The following AAGAB variants were observed in gnomAD, a reference collection of about 807,000 sequenced individuals.
AAGAB encodes the protein alpha- and gamma-adaptin-binding protein p34.
A neutral mutation model predicts 44.1 loss-of-function variants in AAGAB; 38 were observed. The observed-to-expected ratio is 0.86, with a 90% CI of 0.67 to 1.13. The LOEUF (loss-of-function observed/expected upper bound fraction) is 1.13, where lower values mean the gene tolerates loss of function less well. Among genes scored for constraint, AAGAB ranks in the 50% most tolerant of loss-of-function variants. The pLI, the probability that AAGAB is intolerant of heterozygous loss-of-function variation, is 0.00. For synonymous variants in AAGAB, 131 were observed against 131.8 expected, an observed-to-expected ratio of 0.99 and a Z score of 0.04; for missense variants, 450 against 373.8, an observed-to-expected ratio of 1.20 and a Z score of -1.68.
At chr15:67,203,244 T>C (rs1963608599) in intron 9 of AAGAB, among the ~76,000 whole-genome samples, 1 of 152,158 alleles carries the variant, frequency 6.6e-6, no homozygotes, top group South Asian at 2.1e-4. Flanking sequence ...TTCCTGCCAA[T>C]AGCATGTGTT....
intron 5 of AAGAB, among the ~76,000 whole-genome samples, chr15:67,229,357 C>T (rs886163146): frequency 7.3e-5 from 11 of 150,806 alleles, no homozygotes; most frequent in African/African-American, 2.2e-4. Context: ...TGCTTGAACC[C>T]GGGAGGCAGA....
chr15:67,222,282 A>ACACACACACAC (rs796412643), intron 5 of AAGAB, among the ~76,000 whole-genome samples: 2 of 139,850 alleles, frequency 1.4e-5, no homozygotes, highest in Non-Finnish European at 3.1e-5. Context: ...ACACACACAC[A>ACACACACACAC]CCCTCCACCC....
intron 5 of AAGAB, among the ~76,000 whole-genome samples, chr15:67,212,887 G>A (rs191395005): frequency 1.2e-4 from 18 of 152,186 alleles, no homozygotes; most frequent in Admixed American, 3.9e-4. Flanking sequence ...AAATCTTTTC[G>A]TGCTTGCTAG....
At chr15:67,247,819 T>A (rs1964764821) in intron 1 of AAGAB, among the ~76,000 whole-genome samples, 2 of 152,210 alleles carry the variant, frequency 1.3e-5, no homozygotes, top group African/African-American at 4.8e-5. Flanking sequence ...TCAACTACCA[T>A]CAAAAAATAA....
intron 5 of AAGAB, among the ~76,000 whole-genome samples, chr15:67,231,103 G>A (rs1296210307): frequency 2.0e-5 from 3 of 152,092 alleles, no homozygotes; most frequent in South Asian, 2.1e-4. Context: ...GCAGTGGCAT[G>A]ACCACAGCTC....
chr15:67,252,713 C>A (rs1964897877), intron 1 of AAGAB, among the ~76,000 whole-genome samples: 2 of 152,068 alleles, frequency 1.3e-5, no homozygotes, highest in African/African-American at 4.8e-5. Flanking sequence ...AGGAGCACTG[C>A]TTAAAGGTAA....
intron 5 of AAGAB, among the ~76,000 whole-genome samples, chr15:67,214,693 T>A (rs1338582596): frequency 6.6e-6 from 1 of 151,780 alleles, no homozygotes; most frequent in East Asian, 1.9e-4. Context: ...CAGGCTGGAG[T>A]GCAGTGGCGC....
chr15:67,220,849 T>C (rs1964050170), intron 5 of AAGAB, among the ~76,000 whole-genome samples: 1 of 152,230 alleles, frequency 6.6e-6, no homozygotes, highest in Non-Finnish European at 1.5e-5. Context: ...TGTAGGCTTT[T>C]TGAATCATAT....
intron 5 of AAGAB, among the ~76,000 whole-genome samples, chr15:67,222,654 A>G (rs1964110900): frequency 6.6e-6 from 1 of 152,012 alleles, no homozygotes; most frequent in Non-Finnish European, 1.5e-5. Context: ...TGTACACTGG[A>G]GCCCATCCCT....
chr15:67,232,191 T>A (rs1171063895), intron 4 of AAGAB, among the ~76,000 whole-genome samples: 3 of 150,512 alleles, frequency 2.0e-5, no homozygotes, highest in Non-Finnish European at 4.4e-5. Flanking sequence ...GAGGTAGAGG[T>A]TGTGGTGAGC....
chr15:67,218,989 T>C (rs1271247974), intron 5 of AAGAB, among the ~76,000 whole-genome samples: 1 of 152,180 alleles, frequency 6.6e-6, no homozygotes, highest in African/African-American at 2.4e-5. Flanking sequence ...TCCTAACCAC[T>C]TCATTTCCTG....
rs957773835 is a variant in AAGAB at position 67,202,535 on chromosome 15, A to G, written c.*286T>C. On this transcript the variant is annotated 3_prime_UTR_variant, in exon 10 of 10. Coordinates refer to ENST00000261880, the MANE Select transcript of AAGAB (RefSeq NM_024666.5). ...TGTCTTCAACTTGAGTAAATCACAC[A>G]GACCTCTGAGATTTATCCTACCCTC... The G allele has an allele frequency of 5.7e-6, 2 of 350,830 alleles. No homozygotes were observed. The highest frequency in any genetic ancestry group is 5.2e-6 in the Non-Finnish European group (1 of 191,880). The allele number at this position is 350,830 out of a possible 1,614,324, so 21.7% of individuals were successfully genotyped here. A position where few individuals can be genotyped will look rare whatever the true frequency, so the allele number is the denominator to read the frequency against.
chr15:67,234,721 T>G (rs1390889793), intron 4 of AAGAB, among the ~76,000 whole-genome samples: 3 of 152,166 alleles, frequency 2.0e-5, no homozygotes, highest in Non-Finnish European at 4.4e-5. Flanking sequence ...AGTCAAATAC[T>G]GACTCCCAAG....
rs1964875267 is a variant in AAGAB at position 67,251,625 on chromosome 15, TAGATC to T, written c.73+2929_73+2933del. On this transcript the variant is annotated intron_variant, in intron 1 of 9. Coordinates refer to ENST00000261880, the MANE Select transcript of AAGAB (RefSeq NM_024666.5). ...CCACTGGTGGTTAAAAGCACTAAGA[TAGATC>T]AGATGTCCAAAGAAAGAGAAATTGG... Among the ~76,000 whole-genome samples the T allele has an allele frequency of 2.0e-5, 3 of 152,182 alleles. 1 individual carries two copies. In the South Asian group the frequency reaches 6.2e-4, roughly 32 times the overall value.
chr15:67,234,863 G>A (rs1964424748), intron 4 of AAGAB, among the ~76,000 whole-genome samples: 2 of 152,148 alleles, frequency 1.3e-5, no homozygotes, highest in Admixed American at 6.5e-5. Flanking sequence ...TCTTTAAAAT[G>A]AGCAAGGAGA....
At position 67,209,448 on chromosome 15, in the gene AAGAB, A is replaced by G; in HGVS notation, c.618+14T>C. ...AAGCCAAAGAGGGAAAAAAGATCCA[A>G]GAAAAACCTTTACCTCTGGGTGACA... On this transcript the variant is annotated intron_variant, in intron 6 of 9. Coordinates refer to ENST00000261880, the MANE Select transcript of AAGAB (RefSeq NM_024666.5). 1 of 1,609,854 alleles carries G rather than the reference A, an allele frequency of 6.2e-7. No homozygotes were observed. Among genetic ancestry groups the G allele is most frequent in the Non-Finnish European group, 8.5e-7 (1 of 1,176,636 alleles).
chr15:67,236,665 C>T lies in AAGAB; in HGVS notation c.229G>A (p.Val77Ile), dbSNP rs1567027580. The change falls in exon 2 of 10, where the codon GTC becomes ATC. Residue 77 changes from valine (V) to isoleucine (I), a missense_variant. Physicochemically the swap from Val to Ile is conservative, Grantham distance 29. Coordinates refer to ENST00000261880, the MANE Select transcript of AAGAB (RefSeq NM_024666.5). ...TCAAAGTAAACCACAAATGCTTGGA[C>T]AGATTCTGCAATCTCTGCAGTAACA... ...FLVTAEIAES[V>I]QAFVVYFDST... The T allele has an allele frequency of 6.2e-7, 1 of 1,614,020 alleles. No homozygotes were observed. The highest frequency in any genetic ancestry group is 8.5e-7 in the Non-Finnish European group (1 of 1,179,972).
At chr15:67,203,125 T>C (rs147694324) in intron 9 of AAGAB, among the ~76,000 whole-genome samples, 12 of 152,362 alleles carry the variant, frequency 7.9e-5, no homozygotes, top group Non-Finnish European at 8.8e-5. Context: ...TGTAAAGACA[T>C]GCACAGCTTT....
chr15:67,223,036 A>T (rs560584615), intron 5 of AAGAB, among the ~76,000 whole-genome samples: 1 of 152,132 alleles, frequency 6.6e-6, no homozygotes, highest in Non-Finnish European at 1.5e-5. Context: ...AACACTCTTC[A>T]CTTTTGCTTC....
Sources: gnomAD v4.1 joint callset for allele counts (sites outside exome capture counted in the v4.1 genomes callset) on GRCh38, gnomAD v4.1.1 for gene constraint, MANE v1.5 for transcripts, NCBI Gene and HGNC (gene_info 2026-07-23, HGNC 2026-07-21) for gene names.